The following RAB27A variants were observed in gnomAD, a reference collection of about 807,000 sequenced individuals.
RAB27A encodes ras-related protein Rab-27A.
Under a neutral mutation model 20.8 loss-of-function variants are expected in RAB27A, and 17 were observed. That is an observed-to-expected ratio of 0.82 (90% confidence interval 0.56 to 1.23). The LOEUF (loss-of-function observed/expected upper bound fraction) is 1.23, where lower values mean the gene tolerates loss of function less well. Ranked by LOEUF, RAB27A falls within the 50% of genes most tolerant of loss-of-function variation. RAB27A has a pLI of 0.00. For missense variants in RAB27A, 277 were observed against 266.7 expected (o/e 1.04, Z -0.27); for synonymous variants, 85 against 92.8 (o/e 0.92, Z 0.48).
chr15:55,303,836 TG>T (rs1304493335), intron 2 of RAB27A, among the ~76,000 whole-genome samples: 8 of 98,466 alleles, frequency 8.1e-5, no homozygotes, highest in African/African-American at 1.4e-4. Context: ...GGGAGGGAGG[TG>T]GGGGGGGTCA....
chr15:55,318,701 CA>C (rs1261744826), intron 1 of RAB27A, among the ~76,000 whole-genome samples: 53 of 96,146 alleles, frequency 5.5e-4, no homozygotes, highest in African/African-American at 2.0e-3. Flanking sequence ...AACTCCGTCT[CA>C]AAAAAAAAAA....
At chr15:55,232,174 A>G (rs1896054370) in intron 3 of RAB27A, among the ~76,000 whole-genome samples, 1 of 152,220 alleles carries the variant, frequency 6.6e-6, no homozygotes. Context: ...GAAAAAGCTA[A>G]GAGACTTATT....
intron 2 of RAB27A, among the ~76,000 whole-genome samples, chr15:55,244,545 G>A (rs148829539): frequency 0.014 from 2,079 of 152,070 alleles, 21 homozygotes; most frequent in Non-Finnish European, 0.022. Context: ...TCAAACTCCC[G>A]AGCTCAAGAG....
intron 3 of RAB27A, among the ~76,000 whole-genome samples, chr15:55,233,742 C>T (rs1896139467): frequency 6.6e-6 from 1 of 152,168 alleles, no homozygotes; most frequent in Admixed American, 6.5e-5. Context: ...GATGGCCACA[C>T]AACTCCGAAT....
chr15:55,289,614 A>AGC (rs71105869), intron 1 of RAB27A, 102 bp downstream of exon 1: 153,366 of 153,376 alleles, frequency 1, 76,678 homozygotes, highest in Middle Eastern at 1. Flanking sequence ...AGGGCGGCGC[A>AGC]CTCGGACCCC....
upstream of RAB27A, among the ~76,000 whole-genome samples, chr15:55,292,012 G>C (rs2054924151): frequency 6.6e-6 from 1 of 152,134 alleles, no homozygotes; most frequent in African/African-American, 2.4e-5. Context: ...GAGAATTCCA[G>C]GAAAATGGAG....
intron 6 of RAB27A, among the ~76,000 whole-genome samples, chr15:55,207,329 C>A (rs1173943040): frequency 6.6e-6 from 1 of 152,168 alleles, no homozygotes; most frequent in Non-Finnish European, 1.5e-5. Context: ...TGTTGATGGG[C>A]AGGAAGTGAG....
chr15:55,248,075 A>G (rs1896757449), intron 2 of RAB27A, among the ~76,000 whole-genome samples: 1 of 151,652 alleles, frequency 6.6e-6, no homozygotes, highest in Non-Finnish European at 1.5e-5. Context: ...CTGGGACTCC[A>G]GGCGCCCATC....
intron 1 of RAB27A, among the ~76,000 whole-genome samples, chr15:55,282,223 A>G (rs922747621): frequency 6.6e-6 from 1 of 152,226 alleles, no homozygotes; most frequent in Non-Finnish European, 1.5e-5. Context: ...CCACAGTACA[A>G]CTGGTTCCAA....
At chr15:55,281,237 C>A (rs1487786429) in intron 1 of RAB27A, among the ~76,000 whole-genome samples, 2 of 152,146 alleles carry the variant, frequency 1.3e-5, no homozygotes, top group Non-Finnish European at 2.9e-5. Flanking sequence ...TTTTTGATTT[C>A]CAATTCACTG....
At chr15:55,274,794 T>TAATATATATATATATA (rs1897805753) in intron 1 of RAB27A, among the ~76,000 whole-genome samples, 1 of 52,172 alleles carries the variant, frequency 1.9e-5, no homozygotes, top group Non-Finnish European at 4.3e-5. Flanking sequence ...AATAAATAAA[T>TAATATATATATATATA]TATATATATA....
chr15:55,246,751 C>A (rs1896702146), intron 2 of RAB27A, among the ~76,000 whole-genome samples: 1 of 151,908 alleles, frequency 6.6e-6, no homozygotes, highest in South Asian at 2.1e-4. Flanking sequence ...AGCCACTCGA[C>A]ACTCCAAAAG....
chr15:55,287,664 T>C (rs1205943197), intron 1 of RAB27A, among the ~76,000 whole-genome samples: 5 of 152,006 alleles, frequency 3.3e-5, no homozygotes. Flanking sequence ...GGAGAATCAC[T>C]TGAACCAGGG....
At chr15:55,314,282 T>C (rs1229554538) in intron 1 of RAB27A, 2 of 152,144 alleles carry the variant, frequency 1.3e-5, no homozygotes, top group Non-Finnish European at 2.9e-5. Flanking sequence ...TTGATTTAGA[T>C]AAAGAACTTT....
chr15:55,314,547 G>A (rs2055035275), intron 1 of RAB27A, among the ~76,000 whole-genome samples: 2 of 152,198 alleles, frequency 1.3e-5, no homozygotes, highest in Non-Finnish European at 2.9e-5. Flanking sequence ...AACTCCTTAA[G>A]CTGATAAGCA....
At chr15:55,295,568 TTACAC>T (rs1566939314) in intron 2 of RAB27A, among the ~76,000 whole-genome samples, 2 of 152,162 alleles carry the variant, frequency 1.3e-5, no homozygotes. Flanking sequence ...TTCAAAAACA[TTACAC>T]TAAGTGAAAG....
chr15:55,256,457 C>T (rs1333253838), intron 2 of RAB27A, among the ~76,000 whole-genome samples: 1 of 152,154 alleles, frequency 6.6e-6, no homozygotes, highest in African/African-American at 2.4e-5. Flanking sequence ...TGACTCAAAG[C>T]AAGAGCCAGG....
intron 6 of RAB27A, among the ~76,000 whole-genome samples, chr15:55,209,750 ATGTG>A (rs1442438756): frequency 2.0e-4 from 29 of 143,534 alleles, no homozygotes; most frequent in African/African-American, 8.2e-4. Context: ...ACACATATAT[ATGTG>A]TATGTGTGTA....
At chr15:55,250,295 A>T (rs899391125) in intron 2 of RAB27A, among the ~76,000 whole-genome samples, 8 of 152,092 alleles carry the variant, frequency 5.3e-5, no homozygotes, top group Non-Finnish European at 1.0e-4. Context: ...AAACTGGAAT[A>T]AAAAAAAGTA....
Sources: gnomAD v4.1 joint callset for allele counts (sites outside exome capture counted in the v4.1 genomes callset) on GRCh38, gnomAD v4.1.1 for gene constraint, MANE v1.5 for transcripts, NCBI Gene and HGNC (gene_info 2026-07-23, HGNC 2026-07-21) for gene names.